Variants in GABBR1 observed in about 807,000 individuals in gnomAD.
The protein encoded by GABBR1 is GABA-B receptor, R1 subunit.
A neutral mutation model predicts 117.7 loss-of-function variants in GABBR1; 35 were observed. The ratio of observed to expected loss-of-function variants is 0.30; its 90% CI spans 0.23 to 0.39. The LOEUF (loss-of-function observed/expected upper bound fraction) is 0.39, where lower values mean the gene tolerates loss of function less well. Among genes scored for constraint, GABBR1 ranks in the 10% least tolerant of loss-of-function variants. The pLI is 1.00. For missense variants in GABBR1, 709 were observed against 1,241.8 expected, an observed-to-expected ratio of 0.57 and a Z score of 6.45; for synonymous variants, 442 against 486.6, an observed-to-expected ratio of 0.91 and a Z score of 1.21.
chr6:29,622,288 G>T lies in GABBR1; in HGVS notation c.964-83C>A. The T allele has an allele frequency of 2.3e-6, 2 of 879,788 alleles. No homozygotes were observed. The highest frequency in any genetic ancestry group is 2.5e-5 in the East Asian group (1 of 39,950). 54.5% of individuals were successfully genotyped at this position (879,788 alleles called of 1,614,324 possible). A position where few individuals can be genotyped will look rare whatever the true frequency, so the allele number is the denominator to read the frequency against. Reference sequence around the variant, plus strand: ...CCAGAGAGGTTAACTGGGGATTTCAGAGCAATACTCAGATAGAGCAAAGAA... The same window carrying T: ...CCAGAGAGGTTAACTGGGGATTTCATAGCAATACTCAGATAGAGCAAAGAA... On this transcript the variant is annotated intron_variant, in intron 8 of 22. Coordinates refer to ENST00000377034, the MANE Select transcript of GABBR1 (RefSeq NM_001470.4). The surrounding 1 kb of genome is among the most constrained non-coding windows in gnomAD (Gnocchi z 4.6).
In GABBR1 at chr6:29,604,821, A is replaced by G; in HGVS notation, c.2568+39T>C. On this transcript the variant is annotated intron_variant, in intron 21 of 22. Coordinates refer to ENST00000377034, the MANE Select transcript of GABBR1 (RefSeq NM_001470.4). This position sits in a 1 kb window ranked among gnomAD's most constrained non-coding sequence, Gnocchi z 5.3. ...TATAGGAAGGAGGGATGGAGGGAACATGGGAACAAAGAGGGTGGGAGAAAA... is the reference window on the plus strand; with the variant it reads ...TATAGGAAGGAGGGATGGAGGGAACGTGGGAACAAAGAGGGTGGGAGAAAA... The G allele has an allele frequency of 6.2e-7, 1 of 1,603,518 alleles. No homozygotes were observed. The highest frequency in any genetic ancestry group is 8.5e-7 in the Non-Finnish European group (1 of 1,175,204).
Position 29,632,747 on chromosome 6 carries a change from C to G in GABBR1, c.-1+103G>C. The G allele has an allele frequency of 8.1e-7, 1 of 1,229,020 alleles. No homozygotes were observed. The highest frequency in any genetic ancestry group is 1.0e-6 in the Non-Finnish European group (1 of 958,834). 76.1% of individuals were successfully genotyped at this position (1,229,020 alleles called of 1,614,324 possible). A position where few individuals can be genotyped will look rare whatever the true frequency, so the allele number is the denominator to read the frequency against. ...CATCCCCGCGGTTCCTCCTCTCCCC[C>G]AGCCCCGCTTCCCCCAGCTGGGCCC... On this transcript the variant is annotated intron_variant, in intron 1 of 22. Transcript: ENST00000377034. The surrounding 1 kb of genome is among the most constrained non-coding windows in gnomAD (Gnocchi z 5.8).
At chr6:29,612,422 A>G in intron 13 of GABBR1, 129 bp downstream of exon 13, 1 of 648,852 alleles carries the variant, frequency 1.5e-6, no homozygotes, top group Non-Finnish European at 2.7e-6. Context: ...ACAGAGTTAA[A>G]AGAGAAGGGC....
chr6:29,604,489 C>T lies in GABBR1; in HGVS notation c.2712+5G>A. On this transcript the variant is annotated splice_donor_5th_base_variant and intron_variant, in intron 22 of 22. Coordinates refer to ENST00000377034, the MANE Select transcript of GABBR1 (RefSeq NM_001470.4). This position sits in a 1 kb window ranked among gnomAD's most constrained non-coding sequence, Gnocchi z 5.3. ...AACACCCTACCCTGACACCCACCCC[C>T]GCACCTCAGCAATGATCTTTTCCAG... 1.2e-6 allele frequency: 2 copies of T among 1,613,340 alleles called. No individual in the cohort carries two copies. The highest frequency in any genetic ancestry group is 1.7e-6 in the Non-Finnish European group (2 of 1,180,024).
In GABBR1 at chr6:29,611,997, CTCTTT is replaced by C. The variant is rs902663920; in HGVS notation, c.1630+549_1630+553del. 2.6e-5 allele frequency among the ~76,000 whole-genome samples: 4 copies of C among 151,924 alleles called. No homozygotes were observed. The highest frequency in any genetic ancestry group is 7.3e-5 in the African/African-American group (3 of 41,360). ...GAGTAGCTGTTTTTAATTTGCATGT[CTCTTT>C]TCTTTTCTTTTTTCTTTGAGACAGA... On this transcript the variant is annotated intron_variant, in intron 13 of 22. Coordinates refer to ENST00000377034, the MANE Select transcript of GABBR1 (RefSeq NM_001470.4). This position sits in a 1 kb window ranked among gnomAD's most constrained non-coding sequence, Gnocchi z 4.6.
Position 29,622,240 on chromosome 6 carries a change from C to T in GABBR1, c.964-35G>A, listed in dbSNP as rs553822725. The stretch of plus-strand genomic sequence containing the variant: ...GAATAAAAAACAAGTTGGAAAAACA[C>T]GGGGTGCATGAGGGAATAAAGACCA... On this transcript the variant is annotated intron_variant, in intron 8 of 22. Transcript: ENST00000377034. The surrounding 1 kb of genome is among the most constrained non-coding windows in gnomAD (Gnocchi z 4.6). 5.6e-6 allele frequency: 8 copies of T among 1,419,122 alleles called. No individual in the cohort carries two copies. The highest frequency in any genetic ancestry group is 3.4e-5 in the Admixed American group (2 of 59,314). 87.9% of individuals were successfully genotyped at this position (1,419,122 alleles called of 1,614,324 possible).
chr6:29,620,379 C>A lies in GABBR1; in HGVS notation c.1323+722G>T, dbSNP rs1763624765. Among the ~76,000 whole-genome samples, 1 of 152,202 alleles carries A rather than the reference C, an allele frequency of 6.6e-6. No homozygotes were observed. Among genetic ancestry groups the A allele is most frequent in the Non-Finnish European group, 1.5e-5 (1 of 68,048 alleles). On this transcript the variant is annotated intron_variant, in intron 11 of 22. Coordinates refer to ENST00000377034, the MANE Select transcript of GABBR1 (RefSeq NM_001470.4). This position sits in a 1 kb window ranked among gnomAD's most constrained non-coding sequence, Gnocchi z 4.5. ...GTACACACTTGGTGTAATAAGCAGA[C>A]ACATAGGTGGCCGTATCGAGCTTAC...
chr6:29,629,375 C>G, intron 4 of GABBR1: 1 of 618,800 alleles, frequency 1.6e-6, no homozygotes, highest in South Asian at 1.8e-5. Context: ...GATCTTGGTT[C>G]TGTGGTGCCT....
In GABBR1 at chr6:29,632,582, CACCCTCCTCCTGCCTCCCTCGGCCCCCA is replaced by C; in HGVS notation, c.1-225_1-198del. On this transcript the variant is annotated intron_variant, in intron 1 of 22. Coordinates refer to ENST00000377034, the MANE Select transcript of GABBR1 (RefSeq NM_001470.4). The surrounding 1 kb of genome is among the most constrained non-coding windows in gnomAD (Gnocchi z 5.8). The stretch of plus-strand genomic sequence containing the variant: ...GAGAGGAGGAGAGAAAGCCTGTCCC[CACCCTCCTCCTGCCTCCCTCGGCCCCCA>C]ACCCTCCCGGGACTCCACCTCTCAC... 9.8e-7 allele frequency: 1 copy of C among 1,023,828 alleles called. No individual in the cohort carries two copies. Among genetic ancestry groups the C allele is most frequent in the Non-Finnish European group, 1.4e-6 (1 of 735,734 alleles). The allele number at this position is 1,023,828 out of a possible 1,614,324, so 63.4% of individuals were successfully genotyped here.
chr6:29,615,912 C>T (rs1232956660), intron 11 of GABBR1, among the ~76,000 whole-genome samples: 1 of 151,402 alleles, frequency 6.6e-6, no homozygotes, highest in Non-Finnish European at 1.5e-5. Flanking sequence ...ATGAAAAATA[C>T]AAAAATTAGC....
At chr6:29,603,869 A>G (rs1761669655) in intron 22 of GABBR1, among the ~76,000 whole-genome samples, 153 bp from the exon 23 acceptor site, 1 of 152,166 alleles carries the variant, frequency 6.6e-6, no homozygotes, top group Non-Finnish European at 1.5e-5. Flanking sequence ...ATAAATTAAA[A>G]GGAGAAATCA....
rs1763693419 is a variant in GABBR1, at chr6:29,620,955, T to C, written c.1323+146A>G. The C allele has an allele frequency of 1.6e-5, 10 of 622,542 alleles. No homozygotes were observed. Among genetic ancestry groups the C allele is most frequent in the East Asian group, 2.8e-5 (1 of 35,586 alleles). 38.6% of individuals were successfully genotyped at this position (622,542 alleles called of 1,614,324 possible). On this transcript the variant is annotated intron_variant, in intron 11 of 22. Coordinates refer to ENST00000377034, the MANE Select transcript of GABBR1 (RefSeq NM_001470.4). This position sits in a 1 kb window ranked among gnomAD's most constrained non-coding sequence, Gnocchi z 4.5. Reference sequence around the variant, plus strand: ...AAGGTAGGATCCACAGGAAACATAATGCAGACAAGTTCAGGGTGGGCACAG... The same window carrying C: ...AAGGTAGGATCCACAGGAAACATAACGCAGACAAGTTCAGGGTGGGCACAG...
At position 29,604,657 on chromosome 6, in the gene GABBR1, C is replaced by G. The variant is rs543633411; in HGVS notation, c.2569-20G>C. On this transcript the variant is annotated intron_variant, in intron 21 of 22. Transcript: ENST00000377034. The surrounding 1 kb of genome is among the most constrained non-coding windows in gnomAD (Gnocchi z 5.3). ...GCGCATCTGGGGGCAAATGTTTGGG[C>G]GTGGGGTGGCCCAGCAAGGACTGTA... is the stretch of plus-strand genomic sequence containing the variant. The G allele has an allele frequency of 2.1e-5, 34 of 1,613,028 alleles. 1 individual carries two copies. In the African/African-American group the frequency reaches 2.9e-4, roughly 14 times the overall value.
At position 29,602,957 on chromosome 6, in the gene GABBR1, C is replaced by A. The variant is rs1368944390; in HGVS notation, c.*586G>T. ...CAGGAGAGGGGAGGATGCATGTGTGCTGAGCGTGAGTGCACAGAGCAGAGG... is the reference window on the plus strand; with the variant it reads ...CAGGAGAGGGGAGGATGCATGTGTGATGAGCGTGAGTGCACAGAGCAGAGG... On this transcript the variant is annotated 3_prime_UTR_variant, in exon 23 of 23. Coordinates refer to ENST00000377034, the MANE Select transcript of GABBR1 (RefSeq NM_001470.4). 8 of 455,004 alleles carry A rather than the reference C, an allele frequency of 1.8e-5. No homozygotes were observed. The East Asian group carries it at 5.6e-4, about 32-fold the overall frequency. The allele number at this position is 455,004 out of a possible 1,614,324, so 28.2% of individuals were successfully genotyped here.
At position 29,630,501 on chromosome 6, in the gene GABBR1, G is replaced by C; in HGVS notation, c.432C>G (p.Ile144Met). Residue 144 changes from isoleucine (I) to methionine (M), a missense_variant, in exon 4 of 23, where the codon ATC (isoleucine) becomes ATG (methionine). Around this residue, in one of 9 missense-constraint regions of GABBR1, gnomAD observed 101 missense variants for 132.3 expected, o/e 0.76. Transcript: ENST00000377034. The surrounding 1 kb of genome is among the most constrained non-coding windows in gnomAD (Gnocchi z 4.9). ...DFHLVGSSRS[I>M]CSQGQWSTPK... is the part of the protein sequence containing the mutation. ...GGGTGCTCCACTGGCCCTGACTACA[G>C]ATGCTCCGGGAGCTGCCCACCAGAT... is the stretch of plus-strand genomic sequence containing the variant. The C allele has an allele frequency of 6.2e-7, 1 of 1,613,090 alleles. No individual in the cohort carries two copies. The highest frequency in any genetic ancestry group is 8.5e-7 in the Non-Finnish European group (1 of 1,180,032).
Position 29,631,115 on chromosome 6 carries a change from A to C in GABBR1, c.289+281T>G, listed in dbSNP as rs1302589125. ...ATTTTTTTGTCATCATCTGCCACTAATGATCCTCAAAGAGAATAACTGACA... is the reference window on the plus strand; with the variant it reads ...ATTTTTTTGTCATCATCTGCCACTACTGATCCTCAAAGAGAATAACTGACA... On this transcript the variant is annotated intron_variant, in intron 3 of 22. Transcript: ENST00000377034. The surrounding 1 kb of genome is among the most constrained non-coding windows in gnomAD (Gnocchi z 5.9). Among the ~76,000 whole-genome samples the C allele has an allele frequency of 1.3e-5, 2 of 152,216 alleles. No individual in the cohort carries two copies.
rs1765044611 is a variant in GABBR1 at position 29,632,061 on chromosome 6, G to A, written c.85+240C>T. ...GGGGCTGGGAAAGGGGATTGAGGCGGAGAAAATGCACAGGAAGGTGGTATA... is the reference window on the plus strand; with the variant it reads ...GGGGCTGGGAAAGGGGATTGAGGCGAAGAAAATGCACAGGAAGGTGGTATA... On this transcript the variant is annotated intron_variant, in intron 2 of 22. Transcript: ENST00000377034. The surrounding 1 kb of genome is among the most constrained non-coding windows in gnomAD (Gnocchi z 5.8). Among the ~76,000 whole-genome samples the A allele has an allele frequency of 6.6e-6, 1 of 152,092 alleles. No homozygotes were observed.
In GABBR1 at chr6:29,631,332, T is replaced by G; in HGVS notation, c.289+64A>C. ...TAAAGTGCTGACTTGCAAGCAGTAA[T>G]GCTAAGTTTGCGGCAGGAAAAGGAA... On this transcript the variant is annotated intron_variant, in intron 3 of 22. Transcript: ENST00000377034. This position sits in a 1 kb window ranked among gnomAD's most constrained non-coding sequence, Gnocchi z 5.9. 1 of 1,492,318 alleles carries G rather than the reference T, an allele frequency of 6.7e-7. No homozygotes were observed. 92.4% of individuals were successfully genotyped at this position (1,492,318 alleles called of 1,614,324 possible).
At position 29,605,503 on chromosome 6, in the gene GABBR1, C is replaced by A; in HGVS notation, c.2439+66G>T. On this transcript the variant is annotated intron_variant, in intron 20 of 22. Transcript: ENST00000377034. This position sits in a 1 kb window ranked among gnomAD's most constrained non-coding sequence, Gnocchi z 4.2. The stretch of plus-strand genomic sequence containing the variant: ...ATCCCAGATCTAGCATTGATTCTTC[C>A]TAGTCCTCTATATCTGGGCTGCTGT... 1 of 1,574,914 alleles carries A rather than the reference C, an allele frequency of 6.3e-7. No individual in the cohort carries two copies. Among genetic ancestry groups the A allele is most frequent in the Admixed American group, 1.8e-5 (1 of 56,400 alleles).
Sources: allele counts gnomAD v4.1 joint callset (sites outside exome capture counted in the v4.1 genomes callset), GRCh38; gene constraint gnomAD v4.1.1; regional missense constraint gnomAD v4.1.1; non-coding constraint Gnocchi (gnomAD v3.1); transcripts MANE v1.5; gene names NCBI Gene and HGNC (gene_info 2026-07-23, HGNC 2026-07-21).